Variants in COL4A3 observed in about 807,000 individuals in gnomAD.
COL4A3 encodes collagen type IV alpha 3 chain, also known as collagen alpha-3(IV) chain.
In COL4A3, 135 loss-of-function variants were observed where a neutral mutation model predicts 217.4. The observed-to-expected ratio is 0.62, with a 90% confidence interval of 0.54 to 0.72. The LOEUF (loss-of-function observed/expected upper bound fraction) is 0.72, where lower values mean the gene tolerates loss of function less well. Ranked by LOEUF, COL4A3 falls within the 30% of genes least tolerant of loss-of-function variation. The pLI is 0.00. For missense variants in COL4A3, 1,868 were observed against 2,119.9 expected (o/e 0.88, Z 2.33); for synonymous variants, 690 against 736.3 (o/e 0.94, Z 1.02).
chr2:227,193,993 A>C lies in COL4A3; in HGVS notation c.87+29180A>C, dbSNP rs546681788. On this transcript the variant is annotated intron_variant, in intron 1 of 51. Coordinates refer to ENST00000396578, the MANE Select transcript of COL4A3 (RefSeq NM_000091.5). ...AGGAAGGGGAGAGAAGGAGAAGGAG[A>C]GGAGAAAGAGAAGGGAAGGAAGGAG... Among the ~76,000 whole-genome samples, 56 of 50,106 alleles carry C rather than the reference A, an allele frequency of 1.1e-3. 14 individuals are homozygous for C. The highest frequency in any genetic ancestry group is 4.4e-3 in the African/African-American group (52 of 11,920). The allele number at this position is 50,106 out of a possible 152,430, so 32.9% of individuals were successfully genotyped here.
In COL4A3 at chr2:227,253,056, CCACTGCATGTCAG is replaced by C. The variant is rs1209675499; in HGVS notation, c.646-237_646-225del. On this transcript the variant is annotated intron_variant, in intron 11 of 51. Transcript: ENST00000396578. The surrounding 1 kb of genome is among the most constrained non-coding windows in gnomAD (Gnocchi z 4.4). ...GCTGGGCTCCTTTCCCTCCCCCACA[CCACTGCATGTCAG>C]CATTTGCCATGTTAGGTAAATCCCT... Among the ~76,000 whole-genome samples, 1 of 152,228 alleles carries C rather than the reference CCACTGCATGTCAG, an allele frequency of 6.6e-6. No homozygotes were observed. The highest frequency in any genetic ancestry group is 1.5e-5 in the Non-Finnish European group (1 of 68,048).
intron 1 of COL4A3, among the ~76,000 whole-genome samples, chr2:227,229,490 T>C (rs1437497754): frequency 6.6e-6 from 1 of 152,206 alleles, no homozygotes; most frequent in Non-Finnish European, 1.5e-5. Context: ...ACACCAGTTC[T>C]TTGGCACTGG....
Position 227,203,178 on chromosome 2 carries a change from T to C in COL4A3, c.88-34790T>C, listed in dbSNP as rs1221781394. ...ATATACATATATGTGTATATATGTG[T>C]ATATGTGTGTATATATACATATATG... On this transcript the variant is annotated intron_variant, in intron 1 of 51. Coordinates refer to ENST00000396578, the MANE Select transcript of COL4A3 (RefSeq NM_000091.5). Among the ~76,000 whole-genome samples, 5 of 23,708 alleles carry C rather than the reference T, an allele frequency of 2.1e-4. 2 individuals carry two copies. Among genetic ancestry groups the C allele is most frequent in the Non-Finnish European group, 3.5e-4 (5 of 14,422 alleles). 15.6% of individuals were successfully genotyped at this position (23,708 alleles called of 152,430 possible). A position where few individuals can be genotyped will look rare whatever the true frequency, so the allele number is the denominator to read the frequency against.
chr2:227,283,425 T>C (rs1038586693), intron 32 of COL4A3, among the ~76,000 whole-genome samples: 1 of 152,156 alleles, frequency 6.6e-6, no homozygotes, highest in Admixed American at 6.5e-5. Context: ...ATATTTAAAA[T>C]CTAAGTTCAA....
intron 1 of COL4A3, among the ~76,000 whole-genome samples, chr2:227,192,827 A>G (rs1574524430): frequency 6.6e-6 from 1 of 152,204 alleles, no homozygotes; most frequent in Non-Finnish European, 1.5e-5. Flanking sequence ...CAAACTTTCT[A>G]TAGTGAAGAA....
intron 1 of COL4A3, among the ~76,000 whole-genome samples, chr2:227,220,060 A>T (rs574635079): frequency 8.6e-5 from 13 of 151,514 alleles, no homozygotes; most frequent in African/African-American, 2.7e-4. Flanking sequence ...GAAGATTTGA[A>T]TCTTACCCAC....
At chr2:227,177,147 C>CA (rs1047174168) in intron 1 of COL4A3, among the ~76,000 whole-genome samples, 1 of 137,750 alleles carries the variant, frequency 7.3e-6, no homozygotes, top group Non-Finnish European at 1.6e-5. Context: ...TTTTTCTTTC[C>CA]TTTTTTTTTT....
At chr2:227,242,691 C>T (rs1264644661) in intron 3 of COL4A3, among the ~76,000 whole-genome samples, 5 of 152,128 alleles carry the variant, frequency 3.3e-5, no homozygotes, top group Non-Finnish European at 5.9e-5. Flanking sequence ...ATGGTCTTTA[C>T]TCCCCTATCA....
chr2:227,304,377 C>A, intron 46 of COL4A3: 1 of 539,554 alleles, frequency 1.9e-6, no homozygotes, highest in Non-Finnish European at 3.3e-6. Flanking sequence ...CACTTTAGGG[C>A]AGCATGTTTT....
chr2:227,171,957 G>T (rs1237647453), intron 1 of COL4A3, among the ~76,000 whole-genome samples: 1 of 152,176 alleles, frequency 6.6e-6, no homozygotes, highest in Non-Finnish European at 1.5e-5. Flanking sequence ...TTCCCTTGGG[G>T]TGGGCTGTCC....
At chr2:227,177,023 A>G (rs1009278830) in intron 1 of COL4A3, among the ~76,000 whole-genome samples, 1 of 152,138 alleles carries the variant, frequency 6.6e-6, no homozygotes, top group Admixed American at 6.5e-5. Flanking sequence ...TTATAATCAT[A>G]TTACCCAAAG....
At chr2:227,308,838 T>G (rs1052616472) in intron 48 of COL4A3, 61 bp from the exon 49 acceptor site, 1 of 1,539,288 alleles carries the variant, frequency 6.5e-7, no homozygotes, top group Admixed American at 1.7e-5. Flanking sequence ...TTCTCTCTAG[T>G]AACGATGCTG....
At chr2:227,297,212 G>A (rs555052508) in intron 41 of COL4A3, among the ~76,000 whole-genome samples, 4 of 152,158 alleles carry the variant, frequency 2.6e-5, no homozygotes, top group Admixed American at 6.5e-5. Context: ...TCAGTGCTAC[G>A]CAGTTTAGCT....
At chr2:227,300,806 G>C (rs370665914) in intron 43 of COL4A3, among the ~76,000 whole-genome samples, 1 of 152,178 alleles carries the variant, frequency 6.6e-6, no homozygotes, top group African/African-American at 2.4e-5. Flanking sequence ...AAGGTGTTCA[G>C]GAAAGGTCCC....
intron 4 of COL4A3, among the ~76,000 whole-genome samples, 170 bp downstream of exon 4, chr2:227,244,534 G>T (rs1437351048): frequency 6.6e-6 from 1 of 152,134 alleles, no homozygotes; most frequent in Non-Finnish European, 1.5e-5. Context: ...ACCACATTAG[G>T]GGCAAGTGTT....
rs2069900248 is a variant in COL4A3, at chr2:227,253,306, G to A, written c.656G>A (p.Gly219Asp). Reference sequence around the variant, plus strand: ...TGTGTTTTCTTACAGGGTCACATGGGTGAAAGAGTGATAGGACATAAAGGA... The same window carrying A: ...TGTGTTTTCTTACAGGGTCACATGGATGAAAGAGTGATAGGACATAAAGGA... ...MGPRGPKGHM[G>D]ERVIGHKGER... The change falls in exon 12 of 52, where the codon GGT (glycine) becomes GAT (aspartate). Residue 219 changes from glycine to aspartate, a missense_variant. Physicochemically the swap from Gly to Asp is moderately conservative, Grantham distance 94. Transcript: ENST00000396578. This position sits in a 1 kb window ranked among gnomAD's most constrained non-coding sequence, Gnocchi z 4.4. 6.2e-7 allele frequency: 1 copy of A among 1,613,622 alleles called. No individual in the cohort carries two copies. Among genetic ancestry groups the A allele is most frequent in the African/African-American group, 1.3e-5 (1 of 74,910 alleles).
At chr2:227,208,093 A>G (rs2067169957) in intron 1 of COL4A3, among the ~76,000 whole-genome samples, 1 of 149,182 alleles carries the variant, frequency 6.7e-6, no homozygotes, top group Admixed American at 6.8e-5. Context: ...AATCTAACTT[A>G]ACCAACTCTA....
At chr2:227,225,313 C>T (rs2068027886) in intron 1 of COL4A3, among the ~76,000 whole-genome samples, 1 of 152,208 alleles carries the variant, frequency 6.6e-6, no homozygotes, top group African/African-American at 2.4e-5. Context: ...TATGCGTCTC[C>T]ACCTGCCAGC....
chr2:227,303,161 C>A, intron 44 of COL4A3, 51 bp downstream of exon 44: 1 of 1,484,474 alleles, frequency 6.7e-7, no homozygotes, highest in South Asian at 1.1e-5. Context: ...AACCTCAATT[C>A]ATATTTTAGG....
Sources: allele counts gnomAD v4.1 joint callset (sites outside exome capture counted in the v4.1 genomes callset), GRCh38; gene constraint gnomAD v4.1.1; non-coding constraint Gnocchi (gnomAD v3.1); transcripts MANE v1.5; gene names NCBI Gene and HGNC (gene_info 2026-07-23, HGNC 2026-07-21).